The following PCDH15 variants were observed in gnomAD, a reference collection of about 807,000 sequenced individuals.
The protein encoded by PCDH15 is protocadherin related 15.
PCDH15 carries 129 observed loss-of-function variants against 178.5 expected under a neutral mutation model. The observed-to-expected ratio is 0.72, with a 90% CI of 0.63 to 0.84. The LOEUF is 0.84. Among genes scored for constraint, PCDH15 ranks in the 40% least tolerant of loss-of-function variants. The pLI, the probability that PCDH15 is intolerant of heterozygous loss-of-function variation, is 0.00. For missense variants in PCDH15, 2,230 were observed against 2,099.9 expected, an observed-to-expected ratio of 1.06 and a Z score of -1.21; for synonymous variants, 800 against 732.0, an observed-to-expected ratio of 1.09 and a Z score of -1.50.
At chr10:55,615,408 A>G (rs571833187) in intron 2 of PCDH15, among the ~76,000 whole-genome samples, 1 of 152,330 alleles carries the variant, frequency 6.6e-6, no homozygotes, top group East Asian at 1.9e-4. Context: ...AAATAATCAT[A>G]GTTTTTAACT....
At chr10:54,842,685 C>T (rs548197311) in intron 3 of PCDH15, among the ~76,000 whole-genome samples, 1 of 151,926 alleles carries the variant, frequency 6.6e-6, no homozygotes, top group Admixed American at 6.6e-5. Flanking sequence ...ATTTATGTAA[C>T]TACAACAGCG....
intron 1 of PCDH15, among the ~76,000 whole-genome samples, chr10:55,256,145 T>G (rs936033658): frequency 2.8e-4 from 42 of 152,076 alleles, no homozygotes; most frequent in Non-Finnish European, 5.7e-4. Flanking sequence ...AAGGAAGAGA[T>G]CCAGTTTCAG....
chr10:54,538,441 G>A (rs1287441451), intron 2 of PCDH15, among the ~76,000 whole-genome samples: 2 of 151,996 alleles, frequency 1.3e-5, no homozygotes, highest in Non-Finnish European at 2.9e-5. Context: ...TTTCTTTTTG[G>A]ATTCTCTTTT....
At chr10:55,163,831 C>T (rs1839123482) in intron 2 of PCDH15, among the ~76,000 whole-genome samples, 1 of 152,126 alleles carries the variant, frequency 6.6e-6, no homozygotes, top group Non-Finnish European at 1.5e-5. Context: ...CCAGGAATTG[C>T]CCGCCCCTTT....
chr10:54,265,385 A>G (rs1332609530), intron 8 of PCDH15, among the ~76,000 whole-genome samples: 1 of 152,104 alleles, frequency 6.6e-6, no homozygotes, highest in East Asian at 1.9e-4. Context: ...AAACTAGCTA[A>G]CAAAACTATG....
At chr10:55,529,068 G>A (rs1841383330) in intron 2 of PCDH15, among the ~76,000 whole-genome samples, 1 of 151,920 alleles carries the variant, frequency 6.6e-6, no homozygotes, top group South Asian at 2.1e-4. Flanking sequence ...ACTTTTTGAT[G>A]GGGTTGTTTG....
intron 20 of PCDH15, among the ~76,000 whole-genome samples, chr10:54,005,096 A>G (rs1189926018): frequency 2.0e-5 from 3 of 152,122 alleles, no homozygotes; most frequent in Non-Finnish European, 4.4e-5. Context: ...GATGCCAGGA[A>G]AACTGGATAT....
intron 3 of PCDH15, among the ~76,000 whole-genome samples, chr10:54,837,144 A>G (rs903322894): frequency 1.3e-5 from 2 of 152,184 alleles, no homozygotes; most frequent in Admixed American, 1.3e-4. Flanking sequence ...CATTAAAAAG[A>G]AAGATTTAAA....
chr10:55,150,985 T>C (rs1591944982), intron 2 of PCDH15, among the ~76,000 whole-genome samples: 1 of 152,238 alleles, frequency 6.6e-6, no homozygotes, highest in East Asian at 1.9e-4. Flanking sequence ...TCTTCATCCT[T>C]CTGAAGTAGA....
At chr10:54,519,089 AC>A (rs1589848028) in intron 3 of PCDH15, among the ~76,000 whole-genome samples, 1 of 152,182 alleles carries the variant, frequency 6.6e-6, no homozygotes, top group African/African-American at 2.4e-5. Context: ...TCTATGACAA[AC>A]CCACAGCCAA....
At chr10:55,363,772 A>G (rs916084725) in intron 2 of PCDH15, among the ~76,000 whole-genome samples, 5 of 151,992 alleles carry the variant, frequency 3.3e-5, no homozygotes, top group African/African-American at 1.2e-4. Context: ...AGTAGCCAGT[A>G]TTACAGGCAT....
intron 2 of PCDH15, among the ~76,000 whole-genome samples, 168 bp from the exon 3 acceptor site, chr10:54,528,045 A>C (rs558186872): frequency 2.6e-5 from 4 of 152,214 alleles, no homozygotes; most frequent in African/African-American, 9.6e-5. Context: ...ATAACCACAT[A>C]GATTCCTTAC....
At chr10:53,958,380 C>T (rs2087849669) in intron 23 of PCDH15, among the ~76,000 whole-genome samples, 2 of 152,162 alleles carry the variant, frequency 1.3e-5, no homozygotes, top group South Asian at 4.1e-4. Flanking sequence ...TGACTAAACT[C>T]TACATTTCCT....
intron 2 of PCDH15, among the ~76,000 whole-genome samples, chr10:55,161,635 T>C (rs989467830): frequency 1.3e-5 from 2 of 152,080 alleles, no homozygotes; most frequent in Admixed American, 6.6e-5. Flanking sequence ...GAAAAACAAA[T>C]TTTTAGCATT....
At chr10:54,057,218 C>A (rs1337708929) in intron 18 of PCDH15, among the ~76,000 whole-genome samples, 2 of 152,180 alleles carry the variant, frequency 1.3e-5, no homozygotes, top group African/African-American at 4.8e-5. Context: ...TTTCACAGCT[C>A]CACTAGGCAG....
chr10:53,850,672 A>T (rs2078298195), intron 28 of PCDH15, among the ~76,000 whole-genome samples: 1 of 152,076 alleles, frequency 6.6e-6, no homozygotes, highest in Non-Finnish European at 1.5e-5. Context: ...TTTATTTTAT[A>T]GCTATTACAT....
intron 3 of PCDH15, among the ~76,000 whole-genome samples, chr10:54,417,331 T>C (rs1954583087): frequency 6.6e-6 from 1 of 152,162 alleles, no homozygotes; most frequent in African/African-American, 2.4e-5. Flanking sequence ...CTGGGACTTT[T>C]CTCTCACAGA....
intron 2 of PCDH15, among the ~76,000 whole-genome samples, chr10:54,642,801 C>T (rs2094022460): frequency 6.6e-6 from 1 of 151,930 alleles, no homozygotes; most frequent in South Asian, 2.1e-4. Flanking sequence ...GTAATAAATG[C>T]CCAAAATATA....
At chr10:54,777,250 A>G (rs1408451242) in intron 1 of PCDH15, among the ~76,000 whole-genome samples, 2 of 152,130 alleles carry the variant, frequency 1.3e-5, no homozygotes, top group Non-Finnish European at 2.9e-5. Context: ...TCACTCCACC[A>G]CCATACCAAT....
Sources: gnomAD v4.1 joint callset for allele counts (sites outside exome capture counted in the v4.1 genomes callset) on GRCh38, gnomAD v4.1.1 for gene constraint, MANE v1.5 for transcripts, NCBI Gene and HGNC (gene_info 2026-07-23, HGNC 2026-07-21) for gene names.